DAB1: variants seen among roughly 807,000 people sequenced by gnomAD.
DAB1 encodes the protein disabled homolog 1.
In DAB1, 15 loss-of-function variants were observed where a neutral mutation model predicts 64.6. The ratio of observed to expected loss-of-function variants is 0.23; its 90% CI spans 0.16 to 0.36. DAB1 has a LOEUF of 0.36. Among genes scored for constraint, DAB1 ranks in the 10% least tolerant of loss-of-function variants. DAB1 has a pLI of 1.00. For synonymous variants in DAB1, 235 were observed against 251.9 expected (o/e 0.93, Z 0.64); for missense variants, 596 against 706.7 (o/e 0.84, Z 1.78).
chr1:57,983,473 C>A (rs543244192), intron 5 of DAB1, among the ~76,000 whole-genome samples: 60 of 152,234 alleles, frequency 3.9e-4, no homozygotes, highest in African/African-American at 1.4e-3. Context: ...AGAAGAGGAC[C>A]ATAGCCTGGG....
Position 58,138,172 on chromosome 1 carries a change from T to G in DAB1, n.387+12339A>C, listed in dbSNP as rs560004764. 8.5e-5 allele frequency among the ~76,000 whole-genome samples: 13 copies of G among 152,352 alleles called. No individual in the cohort carries two copies. In the South Asian group the frequency reaches 2.7e-3, roughly 32 times the overall value. On this transcript the variant is annotated intron_variant and non_coding_transcript_variant, in intron 5 of 20. Transcript: ENST00000485760. ...TCATTTAATGCTCACAGTAAGTTTA[T>G]AAGGTAGACATCAATAACTTCTATA...
At chr1:57,683,854 C>G (rs527251377) in intron 6 of DAB1, among the ~76,000 whole-genome samples, 12 of 152,080 alleles carry the variant, frequency 7.9e-5, no homozygotes, top group Non-Finnish European at 1.6e-4. Context: ...AAATTGAAAC[C>G]AATCCAAAGA....
chr1:57,600,105 C>G (rs1448320749), intron 7 of DAB1, among the ~76,000 whole-genome samples: 1 of 152,118 alleles, frequency 6.6e-6, no homozygotes, highest in African/African-American at 2.4e-5. Flanking sequence ...CTCTGTGCCC[C>G]CTTAGTGATC....
chr1:57,329,949 C>G (rs1434469461), intron 1 of DAB1, among the ~76,000 whole-genome samples: 1 of 152,188 alleles, frequency 6.6e-6, no homozygotes, highest in Non-Finnish European at 1.5e-5. Context: ...TAAACCACAT[C>G]CCTCAAATGA....
chr1:57,465,747 T>C (rs1686935324), intron 7 of DAB1, among the ~76,000 whole-genome samples: 1 of 152,164 alleles, frequency 6.6e-6, no homozygotes, highest in Admixed American at 6.5e-5. Context: ...AATCTGTATG[T>C]ATGAAGAACA....
At chr1:57,963,368 C>G (rs1437776344) in intron 5 of DAB1, among the ~76,000 whole-genome samples, 9 of 152,160 alleles carry the variant, frequency 5.9e-5, no homozygotes, top group Admixed American at 5.9e-4. Context: ...TGACATTAGG[C>G]TGGGTTAGGT....
Position 58,300,628 on chromosome 1 carries a change from G to GAGAGAC in DAB1, n.309+42723_309+42724insGTCTCT, listed in dbSNP as rs1553173892. Among the ~76,000 whole-genome samples, 128 of 54,280 alleles carry GAGAGAC rather than the reference G, an allele frequency of 2.4e-3. 7 individuals are homozygous for GAGAGAC. The highest frequency in any genetic ancestry group is 6.9e-3 in the African/African-American group (117 of 16,860). The allele number at this position is 54,280 out of a possible 152,430, so 35.6% of individuals were successfully genotyped here. On this transcript the variant is annotated intron_variant and non_coding_transcript_variant, in intron 4 of 20. Transcript: ENST00000485760. ...AGAAAGAAAGAGAGAGAGAGAGAGAGAGAGAGAGAGAGAGAGAGAGGAAGG... is the reference window on the plus strand; with the variant it reads ...AGAAAGAAAGAGAGAGAGAGAGAGAGAGAGACAGAGAGAGAGAGAGAGAGAGGAAGG...
In DAB1 at chr1:56,996,673, C is replaced by T. The variant is rs951574456; in HGVS notation, c.*1471G>A. 1 of 152,362 alleles carries T rather than the reference C, an allele frequency of 6.6e-6. No individual in the cohort carries two copies. Among genetic ancestry groups the T allele is most frequent in the African/African-American group, 2.4e-5 (1 of 41,400 alleles). 9.4% of individuals were successfully genotyped at this position (152,362 alleles called of 1,614,324 possible). On this transcript the variant is annotated 3_prime_UTR_variant, in exon 15 of 15. Coordinates refer to ENST00000371236, the MANE Select transcript of DAB1 (RefSeq NM_001365792.1). ...GTGGAAAGGCTAGATGATGGAGTCA[C>T]GTGCTCCCTTCCCGTTCACTAGCTG...
intron 6 of DAB1, among the ~76,000 whole-genome samples, chr1:57,742,280 T>C (rs941791365): frequency 1.3e-5 from 2 of 152,176 alleles, no homozygotes; most frequent in African/African-American, 4.8e-5. Flanking sequence ...CAGCAGCAGA[T>C]GATGGACCAT....
At chr1:57,831,075 G>A (rs1189998225) in intron 1 of DAB1, among the ~76,000 whole-genome samples, 2 of 152,036 alleles carry the variant, frequency 1.3e-5, no homozygotes, top group African/African-American at 4.8e-5. Flanking sequence ...CACCATGCTG[G>A]CTAATTTTTT....
intron 4 of DAB1, among the ~76,000 whole-genome samples, chr1:58,311,663 C>T (rs181269752): frequency 1.4e-3 from 206 of 152,202 alleles, no homozygotes; most frequent in African/African-American, 4.9e-3. Context: ...GTACTTCCTA[C>T]CCAACCCCCC....
At chr1:57,453,207 A>C (rs1161087527) in intron 7 of DAB1, among the ~76,000 whole-genome samples, 2 of 152,188 alleles carry the variant, frequency 1.3e-5, no homozygotes, top group African/African-American at 4.8e-5. Context: ...TTTTCTTAAT[A>C]AATGAGAAAG....
At chr1:58,002,525 G>A (rs552262017) in intron 5 of DAB1, among the ~76,000 whole-genome samples, 1 of 152,242 alleles carries the variant, frequency 6.6e-6, no homozygotes, top group Admixed American at 6.5e-5. Context: ...GAAAAATACA[G>A]GTTCTGGCTT....
At chr1:58,003,497 T>C (rs900598791) in intron 5 of DAB1, among the ~76,000 whole-genome samples, 3 of 152,204 alleles carry the variant, frequency 2.0e-5, no homozygotes, top group Non-Finnish European at 2.9e-5. Context: ...TCTTCTGAAA[T>C]AGAATTCAAA....
intron 1 of DAB1, among the ~76,000 whole-genome samples, chr1:58,535,391 T>C (rs1646500297): frequency 6.6e-6 from 1 of 152,006 alleles, no homozygotes; most frequent in Admixed American, 6.6e-5. Context: ...GGTCAGGAGA[T>C]CAAGACCATC....
At chr1:58,187,479 A>C (rs1193350401) in intron 4 of DAB1, among the ~76,000 whole-genome samples, 1 of 151,312 alleles carries the variant, frequency 6.6e-6, no homozygotes, top group Non-Finnish European at 1.5e-5. Flanking sequence ...CTGTCTGAAA[A>C]AAAAAGAAGC....
In DAB1 at chr1:57,693,735, C is replaced by T. The variant is rs150441909; in HGVS notation, n.552-44070G>A. On this transcript the variant is annotated intron_variant and non_coding_transcript_variant, in intron 6 of 20. Coordinates refer to the DAB1 transcript ENST00000485760. ...TCTGCGGCTTCATTCTTGAAGTCAG[C>T]GAGACCACAAACTCACCAGAAGGAA... 1.5e-3 allele frequency among the ~76,000 whole-genome samples: 231 copies of T among 152,196 alleles called. 1 individual carries two copies. The highest frequency in any genetic ancestry group is 5.2e-3 in the African/African-American group (217 of 41,536).
At chr1:57,272,266 G>A (rs1032163659) in intron 2 of DAB1, among the ~76,000 whole-genome samples, 1 of 152,186 alleles carries the variant, frequency 6.6e-6, no homozygotes, top group Non-Finnish European at 1.5e-5. Flanking sequence ...CACACGCCTG[G>A]AGACCATTCA....
chr1:57,995,725 C>T (rs942447871), intron 5 of DAB1, among the ~76,000 whole-genome samples: 3 of 151,822 alleles, frequency 2.0e-5, no homozygotes, highest in South Asian at 2.1e-4. Flanking sequence ...AAAGGACTAG[C>T]GAGTTACAGG....
Sources: allele counts gnomAD v4.1 joint callset (sites outside exome capture counted in the v4.1 genomes callset), GRCh38; gene constraint gnomAD v4.1.1; transcripts MANE v1.5; gene names NCBI Gene and HGNC (gene_info 2026-07-23, HGNC 2026-07-21).